CAST: variants seen among roughly 807,000 people sequenced by gnomAD.
The protein encoded by CAST is MIR583 host.
CAST carries 76 observed loss-of-function variants against 119.6 expected under a neutral mutation model. The observed-to-expected ratio is 0.64, with a 90% confidence interval of 0.53 to 0.77. The LOEUF is 0.77. Among genes scored for constraint, CAST ranks in the 30% least tolerant of loss-of-function variants. The probability of loss-of-function intolerance (pLI) is 0.00; values close to 1 mark genes in which losing one functional copy is unlikely to be tolerated. For missense variants in CAST, 953 were observed against 946.5 expected (o/e 1.01, Z -0.09); for synonymous variants, 319 against 331.6 (o/e 0.96, Z 0.41).
chr5:96,090,280 G>A, the CAST span, among the ~76,000 whole-genome samples: 3 of 152,246 alleles, frequency 2.0e-5, no homozygotes, highest in African/African-American at 7.2e-5. Context: ...CTGACTGAAG[G>A]TTCTATGGCT....
the CAST span, among the ~76,000 whole-genome samples, chr5:96,058,386 A>G: frequency 6.6e-6 from 1 of 152,122 alleles, no homozygotes; most frequent in Non-Finnish European, 1.5e-5. Context: ...TTGTGGCTGC[A>G]TTGAAATTTA....
At chr5:96,190,817 G>C in the CAST span, among the ~76,000 whole-genome samples, 1 of 152,218 alleles carries the variant, frequency 6.6e-6, no homozygotes, top group African/African-American at 2.4e-5. Context: ...GGGTACGGAT[G>C]GATGATCCTG....
the CAST span, among the ~76,000 whole-genome samples, chr5:96,388,967 G>A: frequency 6.6e-6 from 1 of 151,908 alleles, no homozygotes; most frequent in East Asian, 1.9e-4. Flanking sequence ...TGAACCTAGA[G>A]TATATTATGC....
At chr5:96,029,559 A>G in the CAST span, among the ~76,000 whole-genome samples, 3 of 152,160 alleles carry the variant, frequency 2.0e-5, no homozygotes, top group Non-Finnish European at 4.4e-5. Flanking sequence ...GAATTTTTAT[A>G]AAGTCTATTT....
At chr5:96,069,347 GTGTA>G in the CAST span, among the ~76,000 whole-genome samples, 2,406 of 120,906 alleles carry the variant, frequency 0.02, 58 homozygotes, top group African/African-American at 0.067. Flanking sequence ...GAAAGCATGT[GTGTA>G]TGTATGTGTG....
chr5:96,410,838 G>T, the CAST span: 1 of 1,614,160 alleles, frequency 6.2e-7, no homozygotes, highest in Non-Finnish European at 8.5e-7. Context: ...GCACTTCTCA[G>T]CGTACCAGGG....
the CAST span, among the ~76,000 whole-genome samples, chr5:96,427,213 A>AT: frequency 6.6e-6 from 1 of 152,204 alleles, no homozygotes; most frequent in African/African-American, 2.4e-5. Flanking sequence ...ACCAAGAGCA[A>AT]TTTTTTGGAA....
rs1272159717 is a variant in CAST at position 96,754,707 on chromosome 5, C to T, written c.1676C>T (p.Thr559Ile). 9 of 1,609,592 alleles carry T rather than the reference C, an allele frequency of 5.6e-6. No individual in the cohort carries two copies. The highest frequency in any genetic ancestry group is 7.7e-6 in the Non-Finnish European group (9 of 1,176,292). ...GAAAAGCTTGGTGAAAAAGAAGAAA[C>T]AATTCCTCCTGATTATAGATTAGAA... Reference protein sequence around the residue: ...DREKLGEKEETIPPDYRLEEV... With the variant: ...DREKLGEKEEIIPPDYRLEEV... The change falls in exon 22 of 32, where the codon ACA (threonine) becomes ATA (isoleucine). Residue 559 changes from threonine (T) to isoleucine (I), a missense_variant. By Grantham distance (89) the Thr-to-Ile change is moderately conservative (BLOSUM62 -1). Coordinates refer to ENST00000675179, the MANE Select transcript of CAST (RefSeq NM_001750.7).
the CAST span, among the ~76,000 whole-genome samples, chr5:96,459,700 A>G: frequency 5.9e-5 from 9 of 152,202 alleles, no homozygotes; most frequent in Admixed American, 5.2e-4. Context: ...ACATGTAGGC[A>G]ATCAGACCCA....
At chr5:95,963,062 G>C in the CAST span, among the ~76,000 whole-genome samples, 2 of 152,064 alleles carry the variant, frequency 1.3e-5, no homozygotes, top group African/African-American at 2.4e-5. Flanking sequence ...GGATTAATTG[G>C]TTGATCAGAA....
the CAST span, among the ~76,000 whole-genome samples, chr5:96,067,855 A>G: frequency 1.3e-5 from 2 of 151,444 alleles, no homozygotes; most frequent in Non-Finnish European, 2.9e-5. Flanking sequence ...TACTGTCCAC[A>G]TTTTATAGTT....
the CAST span, among the ~76,000 whole-genome samples, chr5:96,249,802 AT>A: frequency 6.6e-6 from 1 of 152,216 alleles, no homozygotes; most frequent in Non-Finnish European, 1.5e-5. Flanking sequence ...GGGTGTGGAA[AT>A]TTTAAGTAAA....
At chr5:96,656,715 TGGA>T in intron 1 of CAST, among the ~76,000 whole-genome samples, 1 of 152,114 alleles carries the variant, frequency 6.6e-6, no homozygotes, top group Non-Finnish European at 1.5e-5. Context: ...CTGTGGGCTG[TGGA>T]GAAGAGGGAT....
intron 1 of CAST, among the ~76,000 whole-genome samples, chr5:96,539,671 T>C (rs2150179503): frequency 6.6e-6 from 1 of 152,288 alleles, no homozygotes; most frequent in East Asian, 1.9e-4. Flanking sequence ...TCTCCTGCCC[T>C]GAACCACTTA....
chr5:96,360,911 G>C, the CAST span, among the ~76,000 whole-genome samples: 145 of 152,352 alleles, frequency 9.5e-4, no homozygotes, highest in East Asian at 0.01. Context: ...GAATGTTTAA[G>C]TCTGCTGAAA....
chr5:96,427,971 A>T, the CAST span, among the ~76,000 whole-genome samples: 11 of 152,192 alleles, frequency 7.2e-5, no homozygotes, highest in African/African-American at 2.7e-4. Context: ...GGTCTCCCAC[A>T]TCAAGCAATA....
At chr5:96,278,024 G>C in the CAST span, among the ~76,000 whole-genome samples, 180 of 151,690 alleles carry the variant, frequency 1.2e-3, no homozygotes, top group African/African-American at 4.3e-3. Context: ...TCTTAATTTT[G>C]AATTAAAATA....
the CAST span, among the ~76,000 whole-genome samples, chr5:96,510,267 A>G: frequency 1.3e-5 from 2 of 152,212 alleles, no homozygotes; most frequent in Non-Finnish European, 2.9e-5. Flanking sequence ...CATTCATCCA[A>G]TGGCCTTTGG....
chr5:95,980,829 G>T, the CAST span, among the ~76,000 whole-genome samples: 1 of 152,046 alleles, frequency 6.6e-6, no homozygotes, highest in Non-Finnish European at 1.5e-5. Flanking sequence ...TCCCATGGTG[G>T]CTGGGGACCC....
Sources: allele counts gnomAD v4.1 joint callset (sites outside exome capture counted in the v4.1 genomes callset), GRCh38; gene constraint gnomAD v4.1.1; transcripts MANE v1.5; gene names NCBI Gene and HGNC (gene_info 2026-07-23, HGNC 2026-07-21).